COX7B2: variants seen among roughly 807,000 people sequenced by gnomAD.
The protein encoded by COX7B2 is cytochrome c oxidase subunit 7B2, mitochondrial.
For missense variants in COX7B2, 109 were observed against 95.9 expected (o/e 1.14, Z -0.57); for synonymous variants, 37 against 32.1 (o/e 1.15, Z -0.51).
At chr4:46,899,276 T>C (rs531704002) in intron 1 of COX7B2, among the ~76,000 whole-genome samples, 2 of 152,284 alleles carry the variant, frequency 1.3e-5, no homozygotes, top group African/African-American at 2.4e-5. Flanking sequence ...TAGATTTCAG[T>C]ACCCATTTAT....
rs1577624560 is a variant in COX7B2, at chr4:46,830,860, G to C, written c.-50+14100C>G. On this transcript the variant is annotated intron_variant, in intron 2 of 2. Coordinates refer to ENST00000355591, the MANE Select transcript of COX7B2 (RefSeq NM_130902.3). ...ACAAGAGGCAAAGTATGGAGAAAGT[G>C]AGAGGTGACAGCATGCTGGCAGCCC... is the stretch of plus-strand genomic sequence containing the variant. Among the ~76,000 whole-genome samples, 3 of 152,362 alleles carry C rather than the reference G, an allele frequency of 2.0e-5. No individual in the cohort carries two copies. The South Asian group carries it at 6.2e-4, about 32-fold the overall frequency.
intron 2 of COX7B2, among the ~76,000 whole-genome samples, chr4:46,800,821 C>G (rs1434927670): frequency 6.6e-6 from 1 of 152,064 alleles, no homozygotes; most frequent in East Asian, 1.9e-4. Context: ...ACAGAATAAA[C>G]AGACAACTCA....
chr4:46,809,851 G>T (rs1385430180), intron 2 of COX7B2, among the ~76,000 whole-genome samples: 1 of 151,816 alleles, frequency 6.6e-6, no homozygotes, highest in African/African-American at 2.4e-5. Context: ...GGGTACTGAA[G>T]CCTCATCCTA....
At position 46,735,168 on chromosome 4, in the gene COX7B2, C is replaced by A. The variant is rs768123243; in HGVS notation, c.25G>T (p.Ala9Ser). The A allele has an allele frequency of 6.2e-7, 1 of 1,613,238 alleles. No homozygotes were observed. The highest frequency in any genetic ancestry group is 8.5e-7 in the Non-Finnish European group (1 of 1,179,758). Residue 9 changes from alanine (A) to serine (S), a missense_variant, in exon 3 of 3, where the codon GCA becomes TCA. By Grantham distance (99) the Ala-to-Ser change is moderately conservative. Coordinates refer to ENST00000355591, the MANE Select transcript of COX7B2 (RefSeq NM_130902.3). ...CTTTGAATCTTGAGACTGCTTAGTG[C>A]ATTTCTGGCCAAGGGAAACATCATG... MMFPLARN[A>S]LSSLKIQSIL...
At chr4:46,887,618 G>C (rs1719155867) in intron 1 of COX7B2, among the ~76,000 whole-genome samples, 1 of 147,000 alleles carries the variant, frequency 6.8e-6, no homozygotes, top group Non-Finnish European at 1.5e-5. Context: ...GGCTGAGGCA[G>C]AAGAATGGCA....
intron 2 of COX7B2, among the ~76,000 whole-genome samples, chr4:46,794,986 A>G (rs1718246427): frequency 6.6e-6 from 1 of 151,200 alleles, no homozygotes; most frequent in African/African-American, 2.5e-5. Flanking sequence ...CCTAGAATAA[A>G]GGAGAGTCTT....
At chr4:46,804,339 T>G (rs896995434) in intron 2 of COX7B2, among the ~76,000 whole-genome samples, 2 of 152,202 alleles carry the variant, frequency 1.3e-5, no homozygotes, top group African/African-American at 2.4e-5. Flanking sequence ...CTGCTGGCTC[T>G]GGCAGCCTGC....
At chr4:46,897,679 C>T (rs1719844816) in intron 1 of COX7B2, among the ~76,000 whole-genome samples, 1 of 152,152 alleles carries the variant, frequency 6.6e-6, no homozygotes, top group Admixed American at 6.5e-5. Context: ...TTCCTCTCCA[C>T]TGCTCAAATT....
chr4:46,806,227 T>C (rs1310723409), intron 2 of COX7B2, among the ~76,000 whole-genome samples: 1 of 152,086 alleles, frequency 6.6e-6, no homozygotes, highest in East Asian at 1.9e-4. Flanking sequence ...GTGTATGTAT[T>C]TTTGTATCTT....
rs1386978294 is a variant in COX7B2 at position 46,883,776 on chromosome 4, T to A, written c.-105+25384A>T. On this transcript the variant is annotated intron_variant, in intron 1 of 2. Transcript: ENST00000355591. ...TCTTCTATTAATCAGAATAAACCTT[T>A]AAAAAAAAAAAAACCTGAACATTAA... Among the ~76,000 whole-genome samples, 18 of 145,148 alleles carry A rather than the reference T, an allele frequency of 1.2e-4. 2 individuals carry two copies. The highest frequency in any genetic ancestry group is 1.8e-4 in the African/African-American group (7 of 39,354).
intron 2 of COX7B2, among the ~76,000 whole-genome samples, chr4:46,746,572 A>T (rs1715038066): frequency 6.6e-6 from 1 of 152,174 alleles, no homozygotes; most frequent in Non-Finnish European, 1.5e-5. Flanking sequence ...TCATTGAGAG[A>T]GACCAGTGGA....
intron 2 of COX7B2, among the ~76,000 whole-genome samples, chr4:46,749,950 G>A (rs1310540103): frequency 6.6e-6 from 1 of 152,084 alleles, no homozygotes; most frequent in African/African-American, 2.4e-5. Flanking sequence ...ACCATTAAAG[G>A]AATACCATTG....
At chr4:46,808,418 T>G (rs577888823) in intron 2 of COX7B2, among the ~76,000 whole-genome samples, 1 of 151,890 alleles carries the variant, frequency 6.6e-6, no homozygotes, top group East Asian at 1.9e-4. Context: ...GTTCTATGAG[T>G]TTTTTTGTGG....
chr4:46,827,202 A>G (rs541287719), intron 2 of COX7B2, among the ~76,000 whole-genome samples: 12 of 152,186 alleles, frequency 7.9e-5, no homozygotes, highest in African/African-American at 2.9e-4. Flanking sequence ...AAAGGCTATA[A>G]TCTTCCCAAA....
rs764989483 is a variant in COX7B2 at position 46,735,054 on chromosome 4, T to A, written c.139A>T (p.Thr47Ser). The change falls in exon 3 of 3, where the codon ACT becomes TCT. Residue 47 changes from threonine to serine, a missense_variant. Coordinates refer to ENST00000355591, the MANE Select transcript of COX7B2 (RefSeq NM_130902.3). ...ACCCATGTAGCAACACAGAAAGCAG[T>A]TCCACTGGCTAGCACAGCATTACCA... ...KYGNAVLASG[T>S]AFCVATWVFT... The A allele has an allele frequency of 1.1e-5, 17 of 1,613,962 alleles. No individual in the cohort carries two copies. The African/African-American group carries it at 2.0e-4, about 19-fold the overall frequency.
chr4:46,815,173 C>G (rs1180679783), intron 2 of COX7B2, among the ~76,000 whole-genome samples: 1 of 140,808 alleles, frequency 7.1e-6, no homozygotes, highest in African/African-American at 2.6e-5. Flanking sequence ...GAGACTCTGT[C>G]TCAAAAAAAA....
chr4:46,737,318 T>G (rs1445443071), intron 2 of COX7B2, among the ~76,000 whole-genome samples: 1 of 152,166 alleles, frequency 6.6e-6, no homozygotes. Flanking sequence ...ATTTTAAGAG[T>G]TCTTTGTATA....
At chr4:46,760,587 T>C (rs1041525900) in intron 2 of COX7B2, among the ~76,000 whole-genome samples, 2 of 152,042 alleles carry the variant, frequency 1.3e-5, no homozygotes, top group Non-Finnish European at 2.9e-5. Context: ...AGGGATAGCA[T>C]TAGGAGAAAT....
intron 2 of COX7B2, among the ~76,000 whole-genome samples, chr4:46,775,600 G>A (rs569620542): frequency 3.7e-4 from 57 of 152,096 alleles, no homozygotes; most frequent in Admixed American, 7.2e-4. Flanking sequence ...AAAAAGAAGC[G>A]TCTGAATAAT....
Sources: gnomAD v4.1 joint callset for allele counts (sites outside exome capture counted in the v4.1 genomes callset) on GRCh38, gnomAD v4.1.1 for gene constraint, MANE v1.5 for transcripts, NCBI Gene and HGNC (gene_info 2026-07-23, HGNC 2026-07-21) for gene names.